Variants in FNBP4 observed in about 807,000 individuals in gnomAD.
FNBP4 encodes the protein formin-binding protein 4.
FNBP4 carries 34 observed loss-of-function variants against 119.3 expected under a neutral mutation model. The ratio of observed to expected loss-of-function variants is 0.28; its 90% CI spans 0.22 to 0.38. The LOEUF (loss-of-function observed/expected upper bound fraction) is 0.38. Ranked by LOEUF, FNBP4 falls within the 10% of genes least tolerant of loss-of-function variation. FNBP4 has a pLI of 1.00. For synonymous variants in FNBP4, 462 were observed against 430.6 expected, an observed-to-expected ratio of 1.07 and a Z score of -0.90; for missense variants, 1,112 against 1,228.9, an observed-to-expected ratio of 0.90 and a Z score of 1.42.
chr11:47,722,811 G>A (rs1050582025), intron 15 of FNBP4, among the ~76,000 whole-genome samples, 165 bp downstream of exon 15: 5 of 151,966 alleles, frequency 3.3e-5, no homozygotes, highest in Non-Finnish European at 5.9e-5. Context: ...GGCTGGTCTC[G>A]AACTCCTGAC....
chr11:47,751,150 G>A lies in FNBP4; in HGVS notation c.778C>T (p.Gln260Ter), dbSNP rs940501421. 1.2e-6 allele frequency: 2 copies of A among 1,614,098 alleles called. No individual in the cohort carries two copies. Among genetic ancestry groups the A allele is most frequent in the Non-Finnish European group, 1.7e-6 (2 of 1,180,026 alleles). Residue 260 changes from glutamine (Q) to a stop codon, truncating the protein, a stop_gained, in exon 5 of 17, where the codon CAG becomes TAG. Coordinates refer to ENST00000263773, the MANE Select transcript of FNBP4 (RefSeq NM_015308.5). LOFTEE classifies it high-confidence loss of function. ...ATQVQGLQHYQPSSVPGAETS... is the reference protein window; with the variant it reads ...ATQVQGLQHY Reference sequence around the variant, plus strand: ...TTTTAAATTTATTCTTACCTGGGCTGGTAATGCTGTAATCCCTGTACCTGT... The same window carrying A: ...TTTTAAATTTATTCTTACCTGGGCTAGTAATGCTGTAATCCCTGTACCTGT...
intron 7 of FNBP4, 106 bp from the exon 8 acceptor site, chr11:47,744,269 C>T: frequency 9.0e-7 from 1 of 1,105,142 alleles, no homozygotes; most frequent in Non-Finnish European, 1.3e-6. Context: ...TCTTTGAGAA[C>T]AGAAAGCACT....
Position 47,717,161 on chromosome 11 carries a change from T to G in FNBP4, c.*261A>C. On this transcript the variant is annotated 3_prime_UTR_variant, in exon 17 of 17. Transcript: ENST00000263773. ...ACATGTTCTTCAAGACTGATGAGGT[T>G]AATACACCTAACATGCTAAGTTTGC... 1 of 400,818 alleles carries G rather than the reference T, an allele frequency of 2.5e-6. No individual in the cohort carries two copies. 24.8% of individuals were successfully genotyped at this position (400,818 alleles called of 1,614,324 possible). A position where few individuals can be genotyped will look rare whatever the true frequency, so the allele number is the denominator to read the frequency against.
chr11:47,730,163 C>A (rs770077711), intron 12 of FNBP4: 17 of 985,370 alleles, frequency 1.7e-5, no homozygotes, highest in Middle Eastern at 5.2e-4. Context: ...TCCAGAACTA[C>A]GATCAAGCCT....
intron 2 of FNBP4, among the ~76,000 whole-genome samples, chr11:47,759,356 C>G (rs2097627760): frequency 6.6e-6 from 1 of 150,972 alleles, no homozygotes; most frequent in Admixed American, 6.6e-5. Flanking sequence ...GGATTATAGG[C>G]GTGCACCACC....
At chr11:47,724,834 A>G in intron 12 of FNBP4, 56 bp from the exon 13 acceptor site, 2 of 1,513,074 alleles carry the variant, frequency 1.3e-6, no homozygotes, top group East Asian at 4.5e-5. Flanking sequence ...CCTGGCTTAT[A>G]TTCATAGAAA....
chr11:47,717,568 CATTT>C, intron 16 of FNBP4, 56 bp from the exon 17 acceptor site: 1 of 1,220,842 alleles, frequency 8.2e-7, no homozygotes, highest in Admixed American at 1.9e-5. Flanking sequence ...CAAAAGTATT[CATTT>C]CCCAGCAAAT....
chr11:47,749,891 C>T (rs960146461), intron 6 of FNBP4, among the ~76,000 whole-genome samples: 1 of 152,182 alleles, frequency 6.6e-6, no homozygotes, highest in Non-Finnish European at 1.5e-5. Flanking sequence ...CGATCCCAGG[C>T]ATTTCAATTA....
chr11:47,743,913 T>C (rs1184870355), intron 8 of FNBP4, 40 bp downstream of exon 8: 4 of 1,565,028 alleles, frequency 2.6e-6, no homozygotes, highest in Non-Finnish European at 3.5e-6. Context: ...TTCCCCTCTA[T>C]ATCTTTCAAC....
intron 6 of FNBP4, among the ~76,000 whole-genome samples, chr11:47,748,641 T>C (rs771537994): frequency 2.0e-4 from 31 of 151,736 alleles, no homozygotes; most frequent in Non-Finnish European, 2.8e-4. Context: ...AAATTATTAT[T>C]TTATTATTAT....
intron 12 of FNBP4, among the ~76,000 whole-genome samples, chr11:47,728,064 C>CGGG (rs2097563189): frequency 1.3e-5 from 2 of 150,994 alleles, no homozygotes; most frequent in South Asian, 4.2e-4. Context: ...TTAGTAGAGG[C>CGGG]GGGGTTTCTA....
intron 8 of FNBP4, among the ~76,000 whole-genome samples, chr11:47,739,151 C>T (rs953497055): frequency 3.5e-4 from 53 of 151,812 alleles, no homozygotes; most frequent in Non-Finnish European, 1.0e-4. Context: ...AGTTTGGTCT[C>T]GAACTCCTGA....
At chr11:47,755,327 T>A (rs1408779136) in intron 2 of FNBP4, among the ~76,000 whole-genome samples, 4 of 150,072 alleles carry the variant, frequency 2.7e-5, no homozygotes, top group African/African-American at 9.8e-5. Context: ...CACATGCCTG[T>A]AATCCCAGCT....
intron 15 of FNBP4, among the ~76,000 whole-genome samples, chr11:47,720,926 C>T (rs899953882): frequency 1.3e-5 from 2 of 151,700 alleles, no homozygotes; most frequent in African/African-American, 2.4e-5. Flanking sequence ...TCAGAGTTTG[C>T]AGTGAGCCAA....
At chr11:47,724,259 A>T in intron 13 of FNBP4, 87 bp from the exon 14 acceptor site, 1 of 1,553,472 alleles carries the variant, frequency 6.4e-7, no homozygotes, top group East Asian at 2.2e-5. Flanking sequence ...ACAGGCTCTC[A>T]TTCTGTTGCA....
intron 2 of FNBP4, among the ~76,000 whole-genome samples, chr11:47,758,360 G>A (rs1480009216): frequency 6.6e-6 from 1 of 152,112 alleles, no homozygotes; most frequent in Non-Finnish European, 1.5e-5. Flanking sequence ...ACAGGCCTAC[G>A]CCACCACACT....
rs752991206 is a variant in FNBP4, at chr11:47,751,187, T to C, written c.741A>G (p.Gln247=). The change falls in exon 5 of 17, where the codon CAA becomes CAG. Residue 247 remains glutamine (Q), a synonymous_variant. Transcript: ENST00000263773. ...QTNEVTWELP[Q]YLATQVQGLQ... is the part of the protein sequence containing the mutation. ...ATCCCTGTACCTGTGTGGCAAGATA[T>C]TGGGGTAACTCCCAAGTCACTTCAT... 48 of 1,614,088 alleles carry C rather than the reference T, an allele frequency of 3.0e-5. No homozygotes were observed. The African/African-American group carries it at 3.1e-4, about 10-fold the overall frequency.
chr11:47,738,290 G>C (rs2097576949), intron 8 of FNBP4, among the ~76,000 whole-genome samples: 1 of 152,118 alleles, frequency 6.6e-6, no homozygotes, highest in Non-Finnish European at 1.5e-5. Flanking sequence ...AAAATGGCCG[G>C]GCATGGTGCC....
chr11:47,766,991 C>T, intron 1 of FNBP4, 78 bp downstream of exon 1: 2 of 1,440,002 alleles, frequency 1.4e-6, no homozygotes, highest in African/African-American at 1.5e-5. Flanking sequence ...GCCTCCCTCG[C>T]CGGGTCTGGC....
Sources: allele counts gnomAD v4.1 joint callset (sites outside exome capture counted in the v4.1 genomes callset), GRCh38; gene constraint gnomAD v4.1.1; transcripts MANE v1.5; gene names NCBI Gene and HGNC (gene_info 2026-07-23, HGNC 2026-07-21).